Variants in MTOR observed in about 807,000 individuals in gnomAD.
MTOR encodes serine/threonine-protein kinase mTOR.
Under a neutral mutation model 319.8 loss-of-function variants are expected in MTOR, and 70 were observed. That is an observed-to-expected ratio of 0.22 (90% CI 0.18 to 0.27). The LOEUF is 0.27. MTOR is among the 10% of genes least tolerant of loss of function. The probability of loss-of-function intolerance (pLI) is 1.00; values close to 1 mark genes in which losing one functional copy is unlikely to be tolerated. For synonymous variants in MTOR, 1,183 were observed against 1,211.4 expected, an observed-to-expected ratio of 0.98 and a Z score of 0.49; for missense variants, 1,890 against 3,274.4, an observed-to-expected ratio of 0.58 and a Z score of 10.32.
intron 19 of MTOR, among the ~76,000 whole-genome samples, chr1:11,219,255 C>T (rs1344069942): frequency 6.6e-6 from 1 of 151,044 alleles, no homozygotes; most frequent in Admixed American, 6.6e-5. Context: ...TAAAGCCAGA[C>T]TTTCAAAGAG....
chr1:11,259,215 C>T, intron 2 of MTOR, 33 bp downstream of exon 2: 3 of 1,606,194 alleles, frequency 1.9e-6, no homozygotes, highest in Non-Finnish European at 2.5e-6. Flanking sequence ...GCCCACACAT[C>T]CCACAATGAC....
rs377679898 is a variant in MTOR, at chr1:11,253,936, G to T, written c.743C>A (p.Thr248Asn). ...FEEAEKGFDE[T>N]LAKEKGMNRD... ...ATTCATGCCCTTCTCTTTGGCCAAG[G>T]TCTCATCAAATCCCTTCTCTGCTTC... Residue 248 changes from threonine (T) to asparagine (N), a missense_variant, in exon 6 of 58, where the codon ACC becomes AAC. Thr to Asn is a moderately conservative substitution (Grantham distance 65). Around this residue, in one of 15 missense-constraint regions of MTOR, gnomAD observed 418 missense variants for 543.1 expected, o/e 0.77. Coordinates refer to ENST00000361445, the MANE Select transcript of MTOR (RefSeq NM_004958.4). The T allele has an allele frequency of 1.2e-6, 2 of 1,613,870 alleles. No individual in the cohort carries two copies. Among genetic ancestry groups the T allele is most frequent in the South Asian group, 1.1e-5 (1 of 91,084 alleles).
chr1:11,172,608 C>G (rs1644854212), intron 28 of MTOR, among the ~76,000 whole-genome samples: 1 of 149,572 alleles, frequency 6.7e-6, no homozygotes, highest in Admixed American at 6.7e-5. Flanking sequence ...CGGTGGCTCA[C>G]GCCTATAACC....
At chr1:11,171,582 C>A (rs948224739) in intron 28 of MTOR, among the ~76,000 whole-genome samples, 5 of 152,068 alleles carry the variant, frequency 3.3e-5, no homozygotes, top group African/African-American at 1.2e-4. Flanking sequence ...ATGAGTTTTA[C>A]AACAAACTGA....
intron 54 of MTOR, among the ~76,000 whole-genome samples, chr1:11,112,614 T>C (rs1641947045): frequency 6.6e-6 from 1 of 152,236 alleles, no homozygotes; most frequent in Non-Finnish European, 1.5e-5. Context: ...TGCCTCCTAC[T>C]GTCAATAACA....
At position 11,134,224 on chromosome 1, in the gene MTOR, T is replaced by C. The variant is rs1643297717; in HGVS notation, c.5246+127A>G. 3.0e-5 allele frequency: 23 copies of C among 766,512 alleles called. No individual in the cohort carries two copies. The South Asian group carries it at 4.0e-4, about 13-fold the overall frequency. The allele number at this position is 766,512 out of a possible 1,614,324, so 47.5% of individuals were successfully genotyped here. ...TGCTTTGGTGGTTGCCTGGGATCCC[T>C]ACTGGAAAAGGAAAGAGAGATGTCA... On this transcript the variant is annotated intron_variant, in intron 37 of 57. Transcript: ENST00000361445.
chr1:11,203,199 CA>C (rs778654888), intron 26 of MTOR, among the ~76,000 whole-genome samples: 14 of 151,924 alleles, frequency 9.2e-5, no homozygotes, highest in Non-Finnish European at 1.6e-4. Flanking sequence ...GGTGACAGAG[CA>C]AGACTCCATC....
chr1:11,239,858 T>C (rs1431010788), intron 11 of MTOR, among the ~76,000 whole-genome samples: 1 of 150,528 alleles, frequency 6.6e-6, no homozygotes, highest in Non-Finnish European at 1.5e-5. Flanking sequence ...TGAGCTGAGA[T>C]TGTGCCACTG....
intron 19 of MTOR, among the ~76,000 whole-genome samples, chr1:11,227,849 T>C (rs528801500): frequency 4.6e-5 from 7 of 152,234 alleles, no homozygotes; most frequent in African/African-American, 1.7e-4. Context: ...AGGAACAGGA[T>C]AGCCATGGAG....
chr1:11,211,031 T>G, intron 23 of MTOR, 125 bp from the exon 24 acceptor site: 2 of 614,808 alleles, frequency 3.3e-6, no homozygotes, highest in South Asian at 4.0e-5. Context: ...CTCTGTGATA[T>G]TCAAAAGAAT....
At position 11,117,102 on chromosome 1, in the gene MTOR, G is replaced by A; in HGVS notation, c.6934-16C>T. On this transcript the variant is annotated splice_polypyrimidine_tract_variant and intron_variant, in intron 49 of 57. Transcript: ENST00000361445. Reference sequence around the variant, plus strand: ...CAAACCACACCTAGAACACAGGAGTGCATGTGAACTACGGTTCTGGAAACT... The same window carrying A: ...CAAACCACACCTAGAACACAGGAGTACATGTGAACTACGGTTCTGGAAACT... 6.3e-7 allele frequency: 1 copy of A among 1,581,218 alleles called. No individual in the cohort carries two copies. The highest frequency in any genetic ancestry group is 8.6e-7 in the Non-Finnish European group (1 of 1,161,998).
intron 28 of MTOR, among the ~76,000 whole-genome samples, chr1:11,173,598 A>T (rs1165709775): frequency 1.3e-5 from 2 of 152,112 alleles, no homozygotes; most frequent in Non-Finnish European, 2.9e-5. Context: ...TACTCTCTTG[A>T]TTGTTCAAAG....
At chr1:11,236,852 T>C (rs1647283528) in intron 13 of MTOR, among the ~76,000 whole-genome samples, 2 of 152,168 alleles carry the variant, frequency 1.3e-5, no homozygotes, top group Admixed American at 1.3e-4. Flanking sequence ...TGAGGAATGT[T>C]TTTAAGACTT....
chr1:11,173,438 A>G (rs945031860), intron 28 of MTOR, among the ~76,000 whole-genome samples: 2 of 150,474 alleles, frequency 1.3e-5, no homozygotes, highest in South Asian at 2.1e-4. Context: ...CACCACACAC[A>G]TTATTATTTT....
In MTOR at chr1:11,127,628, T is replaced by A. The variant is rs1642909004; in HGVS notation, c.6212A>T (p.Asn2071Ile). 6 of 1,612,454 alleles carry A rather than the reference T, an allele frequency of 3.7e-6. No homozygotes were observed. Among genetic ancestry groups the A allele is most frequent in the Non-Finnish European group, 5.1e-6 (6 of 1,179,340 alleles). ...GPQTLKETSF[N>I]QAYGRDLMEA... ...TTCGTGTTTTTTACCCCATACCTGA[T>A]TAAAGGATGTTTCCTTCAGAGTCTG... The change falls in exon 44 of 58, where the codon AAT becomes ATT. Residue 2071 changes from asparagine to isoleucine, a missense_variant. Asn to Ile is a moderately radical substitution (Grantham distance 149, BLOSUM62 -3). Around this residue, in one of 15 missense-constraint regions of MTOR, gnomAD observed 249 missense variants for 596.2 expected, o/e 0.42. Transcript: ENST00000361445. This position sits in a 1 kb window ranked among gnomAD's most constrained non-coding sequence, Gnocchi z 5.5.
chr1:11,237,874 A>G lies in MTOR; in HGVS notation c.2177T>C (p.Val726Ala). 6.2e-7 allele frequency: 1 copy of G among 1,614,052 alleles called. No homozygotes were observed. Among genetic ancestry groups the G allele is most frequent in the East Asian group, 2.2e-5 (1 of 44,880 alleles). The change falls in exon 13 of 58, where the codon GTC (valine) becomes GCC (alanine). Residue 726 changes from valine (V) to alanine (A), a missense_variant. Physicochemically the swap from Val to Ala is moderately conservative, Grantham distance 64. Transcript: ENST00000361445. ...GAGCATCTTGCGCAGGAAAGGCATG[A>G]CAAAGGCAGGGTTCATGCTACTGAG... ...GRLSSMNPAF[V>A]MPFLRKMLIQ...
At chr1:11,120,091 G>A (rs1050422345) in intron 49 of MTOR, among the ~76,000 whole-genome samples, 28 of 149,598 alleles carry the variant, frequency 1.9e-4, no homozygotes, top group Non-Finnish European at 3.8e-4. Flanking sequence ...ATATAAAATT[G>A]CTTTGAGACA....
chr1:11,248,128 C>T, intron 6 of MTOR, 34 bp from the exon 7 acceptor site: 1 of 1,544,174 alleles, frequency 6.5e-7, no homozygotes, highest in South Asian at 1.2e-5. Flanking sequence ...ATCATCTTTA[C>T]TTATGACTGG....
At chr1:11,137,152 TAAAAAAAAAAAAA>T (rs33927011) in intron 36 of MTOR, among the ~76,000 whole-genome samples, 1 of 73,374 alleles carries the variant, frequency 1.4e-5, no homozygotes, top group Admixed American at 1.8e-4. Context: ...TAAATCTGAT[TAAAAAAAAAAAAA>T]AAAAAAAAAA....
Sources: allele counts gnomAD v4.1 joint callset (sites outside exome capture counted in the v4.1 genomes callset), GRCh38; gene constraint gnomAD v4.1.1; regional missense constraint gnomAD v4.1.1; non-coding constraint Gnocchi (gnomAD v3.1); transcripts MANE v1.5; gene names NCBI Gene and HGNC (gene_info 2026-07-23, HGNC 2026-07-21).